Variants in APBB2 observed in about 807,000 individuals in gnomAD.
The protein encoded by APBB2 is Fe65-like 1.
In APBB2, 38 loss-of-function variants were observed where a neutral mutation model predicts 82.5. The ratio of observed to expected loss-of-function variants is 0.46; its 90% confidence interval spans 0.36 to 0.60. The LOEUF is 0.60. APBB2 is among the 20% of genes least tolerant of loss of function. APBB2 has a pLI of 0.00. For missense variants in APBB2, 772 were observed against 972.3 expected, an observed-to-expected ratio of 0.79 and a Z score of 2.74; for synonymous variants, 341 against 368.2, an observed-to-expected ratio of 0.93 and a Z score of 0.85.
At chr4:41,172,055 G>A (rs967961065) in intron 1 of APBB2, among the ~76,000 whole-genome samples, 2 of 152,168 alleles carry the variant, frequency 1.3e-5, no homozygotes, top group African/African-American at 2.4e-5. Flanking sequence ...AGCCAAGAGC[G>A]TACTACTGCA....
At chr4:40,934,562 T>C (rs1784947195) in intron 9 of APBB2, 46 bp from the exon 10 acceptor site, 1 of 1,611,586 alleles carries the variant, frequency 6.2e-7, no homozygotes, top group East Asian at 2.2e-5. Flanking sequence ...TATTGCAAAC[T>C]ATCTGCACAA....
intron 4 of APBB2, among the ~76,000 whole-genome samples, chr4:41,046,952 CT>C (rs1283145485): frequency 6.6e-6 from 1 of 152,158 alleles, no homozygotes; most frequent in African/African-American, 2.4e-5. Flanking sequence ...ATTTTGTCAC[CT>C]GTTAATTTTT....
chr4:40,920,197 T>C (rs768660124), intron 10 of APBB2, among the ~76,000 whole-genome samples: 1 of 152,004 alleles, frequency 6.6e-6, no homozygotes, highest in Non-Finnish European at 1.5e-5. Flanking sequence ...TGATAGTGAG[T>C]AAGTTTCACG....
At chr4:41,198,817 A>G (rs1292102650) in intron 1 of APBB2, among the ~76,000 whole-genome samples, 2 of 152,164 alleles carry the variant, frequency 1.3e-5, no homozygotes, top group Non-Finnish European at 2.9e-5. Flanking sequence ...AGCTTCCGGT[A>G]GCCCCAAGCA....
intron 3 of APBB2, among the ~76,000 whole-genome samples, chr4:41,098,980 CAT>C (rs1169932467): frequency 6.6e-6 from 1 of 152,120 alleles, no homozygotes; most frequent in Non-Finnish European, 1.5e-5. Flanking sequence ...TTAAGATTAA[CAT>C]GTGATTACAA....
Position 40,821,858 on chromosome 4 carries a change from C to T in APBB2, c.2112+13G>A, listed in dbSNP as rs369075061. ...GGCGGGAGGGCTCAACAGCCTGTAC[C>T]GGGATAACTCACCATGCAGGCGGCC... On this transcript the variant is annotated intron_variant, in intron 17 of 17. Coordinates refer to ENST00000508593, the MANE Select transcript of APBB2 (RefSeq NM_004307.2). 74 of 1,611,246 alleles carry T rather than the reference C, an allele frequency of 4.6e-5. 1 individual carries two copies. Among genetic ancestry groups the T allele is most frequent in the African/African-American group, 1.2e-4 (9 of 74,826 alleles).
At chr4:41,132,223 G>A (rs1275131843) in intron 2 of APBB2, among the ~76,000 whole-genome samples, 4 of 151,996 alleles carry the variant, frequency 2.6e-5, no homozygotes, top group Non-Finnish European at 4.4e-5. Context: ...AGCCAAAGGA[G>A]GTAAATCACG....
chr4:40,840,480 CAT>C (rs1474202952), intron 12 of APBB2, among the ~76,000 whole-genome samples: 2 of 152,204 alleles, frequency 1.3e-5, no homozygotes, highest in African/African-American at 2.4e-5. Context: ...AAAACACACA[CAT>C]GTAAGACTCT....
chr4:41,074,605 ATTATT>A (rs1232884077), intron 3 of APBB2, among the ~76,000 whole-genome samples: 12 of 107,458 alleles, frequency 1.1e-4, no homozygotes, highest in African/African-American at 3.5e-4. Flanking sequence ...TATTATTATT[ATTATT>A]TTTTTTTTTT....
In APBB2 at chr4:41,013,602, G is replaced by A. The variant is rs781294097; in HGVS notation, c.816C>T (p.Pro272=). 5 of 1,613,968 alleles carry A rather than the reference G, an allele frequency of 3.1e-6. No individual in the cohort carries two copies. The South Asian group carries it at 5.5e-5, about 18-fold the overall frequency. ...GGGTACCTGTTTCATCCGGGGAGCT[G>A]GGTGAGGCACTGTCTTGGGACAACG... ...WTTLSQDSAS[P]SSPDETADIW... Residue 272 remains proline (P), a synonymous_variant, in exon 6 of 18, where the codon CCC becomes CCT. Transcript: ENST00000508593.
intron 3 of APBB2, among the ~76,000 whole-genome samples, chr4:41,066,629 G>C (rs763262756): frequency 6.6e-6 from 1 of 152,186 alleles, no homozygotes; most frequent in Admixed American, 6.5e-5. Context: ...CCTAAGGCTG[G>C]GTAGGAGTTA....
At chr4:40,961,652 G>GAA (rs201763207) in intron 6 of APBB2, among the ~76,000 whole-genome samples, 4 of 42,688 alleles carry the variant, frequency 9.4e-5, no homozygotes, top group African/African-American at 1.3e-4. Flanking sequence ...AATAATGAAA[G>GAA]AAAAAAAAAA....
intron 6 of APBB2, among the ~76,000 whole-genome samples, chr4:40,970,234 T>G (rs1322402434): frequency 1.3e-5 from 2 of 152,138 alleles, no homozygotes; most frequent in Non-Finnish European, 2.9e-5. Flanking sequence ...ATAAATTAAT[T>G]TGAAGATTAT....
chr4:40,893,481 C>G (rs1174994853), intron 10 of APBB2, 70 bp from the exon 11 acceptor site: 3 of 1,426,202 alleles, frequency 2.1e-6, no homozygotes, highest in Non-Finnish European at 2.8e-6. Context: ...TACACTACTC[C>G]CCTCCCGCAA....
At chr4:40,825,751 C>T (rs931963231) in intron 15 of APBB2, 136 bp downstream of exon 15, 1 of 688,664 alleles carries the variant, frequency 1.5e-6, no homozygotes, top group Middle Eastern at 2.5e-4. Context: ...TGTTCTCTGG[C>T]AGGTGACAGT....
chr4:40,880,942 C>T (rs1359004345), intron 12 of APBB2: 4 of 984,548 alleles, frequency 4.1e-6, no homozygotes, highest in Non-Finnish European at 4.8e-6. Flanking sequence ...GGGACAGGAC[C>T]GCCATGAACG....
At chr4:41,025,956 A>G (rs1041807751) in intron 5 of APBB2, among the ~76,000 whole-genome samples, 17 of 151,582 alleles carry the variant, frequency 1.1e-4, no homozygotes, top group African/African-American at 4.1e-4. Flanking sequence ...AAAAAAAAAA[A>G]AAAAAAAGAA....
chr4:41,131,016 G>A (rs1755816754), intron 2 of APBB2, among the ~76,000 whole-genome samples: 1 of 152,166 alleles, frequency 6.6e-6, no homozygotes, highest in African/African-American at 2.4e-5. Flanking sequence ...CTCAGGCCCT[G>A]AAGTACTGAC....
chr4:41,075,990 T>C (rs553578118), intron 3 of APBB2, among the ~76,000 whole-genome samples: 1 of 152,274 alleles, frequency 6.6e-6, no homozygotes, highest in African/African-American at 2.4e-5. Flanking sequence ...ATGTGATAGA[T>C]TACAACCCGG....
Sources: allele counts gnomAD v4.1 joint callset (sites outside exome capture counted in the v4.1 genomes callset), GRCh38; gene constraint gnomAD v4.1.1; transcripts MANE v1.5; gene names NCBI Gene and HGNC (gene_info 2026-07-23, HGNC 2026-07-21).